ZNF385D: variants seen among roughly 807,000 people sequenced by gnomAD.
The protein encoded by ZNF385D is zinc finger protein 659.
A neutral mutation model predicts 35.8 loss-of-function variants in ZNF385D; 15 were observed. The ratio of observed to expected loss-of-function variants is 0.42; its 90% CI spans 0.28 to 0.64. The LOEUF (loss-of-function observed/expected upper bound fraction) is 0.64, where lower values mean the gene tolerates loss of function less well. Ranked by LOEUF, ZNF385D falls within the 30% of genes least tolerant of loss-of-function variation. The probability of loss-of-function intolerance (pLI) is 0.23; values close to 1 mark genes in which losing one functional copy is unlikely to be tolerated. For missense variants in ZNF385D, 474 were observed against 494.6 expected (o/e 0.96, Z 0.39); for synonymous variants, 212 against 186.8 (o/e 1.13, Z -1.10).
At chr3:21,445,738 A>G (rs1052947106) in intron 4 of ZNF385D, among the ~76,000 whole-genome samples, 2 of 152,146 alleles carry the variant, frequency 1.3e-5, no homozygotes, top group Non-Finnish European at 1.5e-5. Flanking sequence ...GCTGCCATCA[A>G]ATTTGTTAGG....
chr3:22,097,078 G>A (rs62246395), intron 3 of ZNF385D, among the ~76,000 whole-genome samples: 2 of 151,534 alleles, frequency 1.3e-5, no homozygotes, highest in Non-Finnish European at 3.0e-5. Context: ...TGTCAGCTAT[G>A]TGAGTCATGA....
intron 3 of ZNF385D, among the ~76,000 whole-genome samples, chr3:21,517,070 G>GA (rs916780475): frequency 1.8e-3 from 193 of 104,904 alleles, no homozygotes; most frequent in African/African-American, 5.5e-3. Context: ...ATGATTACAG[G>GA]AAAAAAAGCT....
intron 2 of ZNF385D, among the ~76,000 whole-genome samples, chr3:21,585,666 T>C (rs2063788122): frequency 6.6e-6 from 1 of 152,222 alleles, no homozygotes; most frequent in South Asian, 2.1e-4. Flanking sequence ...AGTGTCAGTC[T>C]ACTAAGCCAA....
chr3:22,321,322 AATGGGGGG>A (rs1694418726), intron 2 of ZNF385D, among the ~76,000 whole-genome samples: 1 of 151,896 alleles, frequency 6.6e-6, no homozygotes, highest in African/African-American at 2.4e-5. Context: ...CCCTACAATT[AATGGGGGG>A]ATTCAGTCTA....
At chr3:22,095,750 A>T (rs1701584841) in intron 3 of ZNF385D, among the ~76,000 whole-genome samples, 1 of 151,964 alleles carries the variant, frequency 6.6e-6, no homozygotes, top group Non-Finnish European at 1.5e-5. Context: ...AGATAATTTC[A>T]TTATGTGGCA....
rs78979292 is a variant in ZNF385D, at chr3:21,917,784, T to C, written c.325+251033A>G. Among the ~76,000 whole-genome samples, 755 of 152,328 alleles carry C rather than the reference T, an allele frequency of 5.0e-3. 11 individuals carry two copies. The highest frequency in any genetic ancestry group is 3.7e-3 in the Non-Finnish European group (252 of 68,028). On this transcript the variant is annotated intron_variant, in intron 3 of 5. Transcript: ENST00000494108. ...CATATCTGTACCCTCAGTGGCTAAG[T>C]GGAGTCTCTTGACTCAGAGCTATGC...
At chr3:21,803,391 T>G (rs13083531) in intron 3 of ZNF385D, among the ~76,000 whole-genome samples, 38,921 of 152,130 alleles carry the variant, frequency 0.26, 5,231 homozygotes, top group Middle Eastern at 0.32. Context: ...TAGAAAATCA[T>G]CTGGACACCA....
intron 3 of ZNF385D, among the ~76,000 whole-genome samples, chr3:21,997,455 A>T (rs1695538793): frequency 6.6e-6 from 1 of 152,196 alleles, no homozygotes; most frequent in Admixed American, 6.5e-5. Flanking sequence ...ATATGTAACA[A>T]ATCTGCATGT....
At chr3:22,198,357 GA>G (rs1363904691) in intron 2 of ZNF385D, among the ~76,000 whole-genome samples, 28 of 152,084 alleles carry the variant, frequency 1.8e-4, no homozygotes, top group Non-Finnish European at 3.7e-4. Context: ...ATTGACTTGT[GA>G]AAGGATTCTC....
intron 2 of ZNF385D, among the ~76,000 whole-genome samples, chr3:22,317,770 T>C (rs1703982097): frequency 6.6e-6 from 1 of 152,120 alleles, no homozygotes; most frequent in Non-Finnish European, 1.5e-5. Flanking sequence ...TATTAAATAA[T>C]GTGAATCAGG....
chr3:22,049,064 A>G (rs1400454539), intron 3 of ZNF385D, among the ~76,000 whole-genome samples: 2 of 152,046 alleles, frequency 1.3e-5, no homozygotes, highest in Admixed American at 1.3e-4. Flanking sequence ...TGCGAGGCCT[A>G]TGTGGGTGGA....
At chr3:22,187,067 A>G (rs1209289258) in intron 2 of ZNF385D, among the ~76,000 whole-genome samples, 1 of 152,132 alleles carries the variant, frequency 6.6e-6, no homozygotes, top group African/African-American at 2.4e-5. Context: ...GCGTAATGAC[A>G]TACCAGATTA....
chr3:22,355,331 A>G (rs571512441), intron 2 of ZNF385D, among the ~76,000 whole-genome samples: 26 of 152,086 alleles, frequency 1.7e-4, no homozygotes, highest in African/African-American at 6.0e-4. Context: ...TATGTTTTCA[A>G]CTCTTTTGCA....
chr3:21,805,163 T>C (rs899632924), intron 3 of ZNF385D, among the ~76,000 whole-genome samples: 1 of 152,214 alleles, frequency 6.6e-6, no homozygotes, highest in African/African-American at 2.4e-5. Flanking sequence ...GAGAAAACAG[T>C]ACTAGATGCA....
chr3:21,884,112 C>G (rs259560), intron 3 of ZNF385D, among the ~76,000 whole-genome samples: 82,050 of 151,762 alleles, frequency 0.54, 22,230 homozygotes, highest in South Asian at 0.71. Context: ...TATCTGATTG[C>G]TTGTTACCAT....
At chr3:21,608,310 T>C (rs1258041726) in intron 2 of ZNF385D, among the ~76,000 whole-genome samples, 3 of 152,072 alleles carry the variant, frequency 2.0e-5, no homozygotes, top group African/African-American at 7.2e-5. Flanking sequence ...CGCCCAGCCC[T>C]AAATTTTTTT....
chr3:21,907,538 T>C (rs1160489372), intron 3 of ZNF385D, among the ~76,000 whole-genome samples: 3 of 152,094 alleles, frequency 2.0e-5, no homozygotes, highest in East Asian at 1.9e-4. Flanking sequence ...TTTTTTGTTA[T>C]TAAAAATAGC....
At chr3:22,064,965 C>A (rs1296198723) in intron 3 of ZNF385D, among the ~76,000 whole-genome samples, 1 of 152,156 alleles carries the variant, frequency 6.6e-6, no homozygotes, top group Non-Finnish European at 1.5e-5. Context: ...TAGCCATGCA[C>A]AAATTATATT....
intron 3 of ZNF385D, among the ~76,000 whole-genome samples, chr3:21,549,650 T>C (rs1005245582): frequency 1.4e-4 from 21 of 152,328 alleles, no homozygotes; most frequent in African/African-American, 4.1e-4. Flanking sequence ...CTCATCAGGT[T>C]CTCAGATGTG....
Sources: gnomAD v4.1 joint callset for allele counts (sites outside exome capture counted in the v4.1 genomes callset) on GRCh38, gnomAD v4.1.1 for gene constraint, MANE v1.5 for transcripts, NCBI Gene and HGNC (gene_info 2026-07-23, HGNC 2026-07-21) for gene names.